Variants in LMLN observed in about 807,000 individuals in gnomAD.
The protein encoded by LMLN is leishmanolysin like peptidase.
LMLN carries 70 observed loss-of-function variants against 92.3 expected under a neutral mutation model. The ratio of observed to expected loss-of-function variants is 0.76; its 90% CI spans 0.63 to 0.92. LMLN has a LOEUF of 0.92. Among genes scored for constraint, LMLN ranks in the 40% least tolerant of loss-of-function variants. LMLN has a pLI of 0.00. For synonymous variants in LMLN, 308 were observed against 296.2 expected (o/e 1.04, Z -0.41); for missense variants, 691 against 814.6 (o/e 0.85, Z 1.85).
intron 11 of LMLN, among the ~76,000 whole-genome samples, chr3:198,001,888 A>G (rs1722184070): frequency 6.6e-6 from 1 of 152,096 alleles, no homozygotes; most frequent in African/African-American, 2.4e-5. Context: ...CCTGAGCTAA[A>G]GTGATCCACC....
chr3:198,015,629 C>G (rs1295424782), intron 11 of LMLN, among the ~76,000 whole-genome samples: 2 of 145,310 alleles, frequency 1.4e-5, no homozygotes, highest in Admixed American at 6.8e-5. Context: ...AGCCCCCTAA[C>G]TAGTCTGACT....
chr3:197,985,702 C>T (rs778056597), intron 7 of LMLN, 94 bp from the exon 8 acceptor site: 18 of 736,738 alleles, frequency 2.4e-5, no homozygotes, highest in East Asian at 1.7e-4. Flanking sequence ...GGTGCTTCTA[C>T]GTTCCCGTTA....
At position 198,025,832 on chromosome 3, in the gene LMLN, A is replaced by G. The variant is rs2109943755; in HGVS notation, c.1656+1044A>G. On this transcript the variant is annotated intron_variant, in intron 14 of 15. Coordinates refer to ENST00000330198, the Ensembl canonical transcript of LMLN. The surrounding 1 kb of genome is among the most constrained non-coding windows in gnomAD (Gnocchi z 4.3). ...CAGGGAGGACAGCGTAAGCCTGAGA[A>G]ATGCAGAATCAGCATTCCTGTGCCA... 6.6e-6 allele frequency among the ~76,000 whole-genome samples: 1 copy of G among 152,358 alleles called. No individual in the cohort carries two copies. The highest frequency in any genetic ancestry group is 2.4e-5 in the African/African-American group (1 of 41,582).
chr3:198,029,831 A>T (rs1560156591), intron 14 of LMLN, among the ~76,000 whole-genome samples: 1 of 150,574 alleles, frequency 6.6e-6, no homozygotes, highest in South Asian at 2.1e-4. Context: ...TTGCTTTCTT[A>T]TTTTTTTTTA....
At chr3:198,037,931 C>T (rs937625781) in intron 15 of LMLN, among the ~76,000 whole-genome samples, 21 of 152,196 alleles carry the variant, frequency 1.4e-4, no homozygotes, top group Non-Finnish European at 2.2e-4. Flanking sequence ...CTGAGACCAT[C>T]CATATGCCTG....
chr3:198,016,549 T>A (rs1446244631), intron 11 of LMLN, among the ~76,000 whole-genome samples: 1 of 152,220 alleles, frequency 6.6e-6, no homozygotes, highest in African/African-American at 2.4e-5. Flanking sequence ...AATTCCCAAG[T>A]GATTTTATGT....
At chr3:197,965,059 G>T (rs1721015932) in intron 1 of LMLN, among the ~76,000 whole-genome samples, 1 of 151,036 alleles carries the variant, frequency 6.6e-6, no homozygotes, top group South Asian at 2.1e-4. Context: ...CTGTCACCCA[G>T]GCTGGAGTGC....
In LMLN at chr3:198,031,081, C is replaced by A. The variant is rs1189327776; in HGVS notation, c.1657-4752C>A. Among the ~76,000 whole-genome samples, 1 of 152,100 alleles carries A rather than the reference C, an allele frequency of 6.6e-6. No individual in the cohort carries two copies. The highest frequency in any genetic ancestry group is 2.4e-5 in the African/African-American group (1 of 41,406). On this transcript the variant is annotated intron_variant, in intron 14 of 15. Transcript: ENST00000330198. The surrounding 1 kb of genome is among the most constrained non-coding windows in gnomAD (Gnocchi z 4.8). Reference sequence around the variant, plus strand: ...CCTGAGAATGAAATAGGCATAAGCCCGATGAACAGGAGGAAAACATACACA... The same window carrying A: ...CCTGAGAATGAAATAGGCATAAGCCAGATGAACAGGAGGAAAACATACACA...
intron 11 of LMLN, among the ~76,000 whole-genome samples, chr3:198,016,264 G>A (rs1176457697): frequency 4.0e-5 from 6 of 150,486 alleles, no homozygotes; most frequent in Middle Eastern, 3.6e-3. Context: ...AGGTCATAAA[G>A]CAATTTAAAT....
chr3:197,967,724 C>T (rs781381079), intron 1 of LMLN, among the ~76,000 whole-genome samples: 18 of 152,188 alleles, frequency 1.2e-4, no homozygotes, highest in Non-Finnish European at 2.1e-4. Context: ...ACCCTAATAA[C>T]CCTGAGGGTA....
intron 7 of LMLN, among the ~76,000 whole-genome samples, chr3:197,985,120 A>T (rs1313791656): frequency 6.6e-6 from 1 of 152,222 alleles, no homozygotes; most frequent in Non-Finnish European, 1.5e-5. Context: ...ACGAATGTTT[A>T]TCTTCCCAGT....
intron 1 of LMLN, among the ~76,000 whole-genome samples, chr3:197,963,428 C>T (rs559410236): frequency 2.0e-5 from 3 of 152,180 alleles, no homozygotes; most frequent in South Asian, 4.1e-4. Flanking sequence ...TGGCCTTAGG[C>T]GATCCTCCTG....
At chr3:198,007,703 G>C (rs1212572244) in intron 11 of LMLN, among the ~76,000 whole-genome samples, 1 of 151,990 alleles carries the variant, frequency 6.6e-6, no homozygotes. Flanking sequence ...CAATTATCTC[G>C]TCTGTATCTG....
In LMLN at chr3:197,980,308, T is replaced by TG. The variant is rs752981584; in HGVS notation, c.550-17dup. 1 of 1,600,370 alleles carries TG rather than the reference T, an allele frequency of 6.2e-7. No individual in the cohort carries two copies. The highest frequency in any genetic ancestry group is 1.1e-5 in the South Asian group (1 of 90,540). ...CTTTGTCTCTGTTCTGGCTTTCTGA[T>TG]GTCTCCCGTGGGTGCAGCAATGCCG... On this transcript the variant is annotated splice_polypyrimidine_tract_variant and intron_variant, in intron 5 of 15. Transcript: ENST00000330198.
intron 11 of LMLN, among the ~76,000 whole-genome samples, chr3:198,016,870 A>G (rs979733110): frequency 6.6e-6 from 1 of 152,184 alleles, no homozygotes; most frequent in African/African-American, 2.4e-5. Context: ...TTTGAGGGTT[A>G]TTACAGTCTC....
At chr3:197,964,381 A>AT (rs1018892665) in intron 1 of LMLN, among the ~76,000 whole-genome samples, 7 of 148,114 alleles carry the variant, frequency 4.7e-5, no homozygotes, top group Admixed American at 6.7e-5. Flanking sequence ...TTAGGTTAAA[A>AT]TTTTTTTTTT....
At chr3:197,996,408 G>A in intron 10 of LMLN, 126 bp downstream of exon 10, 1 of 517,110 alleles carries the variant, frequency 1.9e-6, no homozygotes, top group Non-Finnish European at 3.4e-6. Flanking sequence ...CAGCTCTCCA[G>A]ATGCACTTTC....
At position 198,035,361 on chromosome 3, in the gene LMLN, G is replaced by GTTTTT. The variant is rs10679322; in HGVS notation, c.1657-456_1657-452dup. Among the ~76,000 whole-genome samples, 131 of 117,694 alleles carry GTTTTT rather than the reference G, an allele frequency of 1.1e-3. 4 individuals carry two copies. Among genetic ancestry groups the GTTTTT allele is most frequent in the African/African-American group, 4.2e-3 (117 of 28,092 alleles). The allele number at this position is 117,694 out of a possible 152,430, so 77.2% of individuals were successfully genotyped here. The stretch of plus-strand genomic sequence containing the variant: ...TTAGGACCTAAATAACCCTCTTTTG[G>GTTTTT]TTTTTTTTTTTTTTTTTTTTGACAC... On this transcript the variant is annotated intron_variant, in intron 14 of 15. Transcript: ENST00000330198.
chr3:197,975,980 T>C (rs1448216296), intron 3 of LMLN, 49 bp from the exon 4 acceptor site: 5 of 1,117,528 alleles, frequency 4.5e-6, no homozygotes, highest in Middle Eastern at 4.0e-4. Context: ...AAATATAATT[T>C]ATCTCTTCCT....
Sources: allele counts gnomAD v4.1 joint callset (sites outside exome capture counted in the v4.1 genomes callset), GRCh38; gene constraint gnomAD v4.1.1; non-coding constraint Gnocchi (gnomAD v3.1); transcripts MANE v1.5; gene names NCBI Gene and HGNC (gene_info 2026-07-23, HGNC 2026-07-21).